SLC1A3: variants seen among roughly 807,000 people sequenced by gnomAD.
SLC1A3 encodes the protein excitatory amino acid transporter 1.
In SLC1A3, 21 loss-of-function variants were observed where a neutral mutation model predicts 48.1. The ratio of observed to expected loss-of-function variants is 0.44; its 90% CI spans 0.31 to 0.63. SLC1A3 has a LOEUF of 0.63. Ranked by LOEUF, SLC1A3 falls within the 20% of genes least tolerant of loss-of-function variation. The probability of loss-of-function intolerance (pLI) is 0.08; values close to 1 mark genes in which losing one functional copy is unlikely to be tolerated. For synonymous variants in SLC1A3, 239 were observed against 251.4 expected, an observed-to-expected ratio of 0.95 and a Z score of 0.47; for missense variants, 546 against 689.0, an observed-to-expected ratio of 0.79 and a Z score of 2.32.
chr5:36,618,543 A>C (rs1739538111), intron 2 of SLC1A3, among the ~76,000 whole-genome samples: 1 of 152,222 alleles, frequency 6.6e-6, no homozygotes, highest in African/African-American at 2.4e-5. Flanking sequence ...CTGAGCACAG[A>C]TGGGTCTCGG....
chr5:36,682,210 T>G (rs1020884243), intron 8 of SLC1A3, among the ~76,000 whole-genome samples: 14 of 152,250 alleles, frequency 9.2e-5, no homozygotes, highest in African/African-American at 3.4e-4. Context: ...AATCCACATT[T>G]ATGGCCTACA....
At position 36,629,590 on chromosome 5, in the gene SLC1A3, A is replaced by G. The variant is rs747858400; in HGVS notation, c.319+3A>G. ...TATCATCTCCAGTCTTGTCACAGGT[A>G]CCATAAGCAGTTGTTGGTTTGTTTG... On this transcript the variant is annotated splice_donor_region_variant and intron_variant, in intron 3 of 9. Transcript: ENST00000265113. The G allele has an allele frequency of 6.8e-6, 11 of 1,612,520 alleles. No homozygotes were observed. Among genetic ancestry groups the G allele is most frequent in the Non-Finnish European group, 8.5e-6 (10 of 1,178,906 alleles).
chr5:36,652,101 G>A (rs1210788163), intron 3 of SLC1A3, among the ~76,000 whole-genome samples: 2 of 152,154 alleles, frequency 1.3e-5, no homozygotes, highest in African/African-American at 4.8e-5. Flanking sequence ...AAGATTCACT[G>A]ATTCAATCCT....
intron 2 of SLC1A3, among the ~76,000 whole-genome samples, chr5:36,618,697 C>CG (rs1554039564): frequency 6.6e-6 from 1 of 152,060 alleles, no homozygotes; most frequent in African/African-American, 2.4e-5. Context: ...CTTTGCTGTG[C>CG]ACCAGCATAT....
In SLC1A3 at chr5:36,608,904, G is replaced by A. The variant is rs958178512; in HGVS notation, c.181+300G>A. On this transcript the variant is annotated intron_variant, in intron 2 of 9. Transcript: ENST00000265113. Reference sequence around the variant, plus strand: ...TAAGGAAGTGATCATTTAATCATTAGGCATGACAAAGCAAGCATGCTAGAT... The same window carrying A: ...TAAGGAAGTGATCATTTAATCATTAAGCATGACAAAGCAAGCATGCTAGAT... The A allele has an allele frequency of 1.6e-5, 17 of 1,095,868 alleles. No homozygotes were observed. The African/African-American group carries it at 2.8e-4, about 18-fold the overall frequency. The allele number at this position is 1,095,868 out of a possible 1,614,324, so 67.9% of individuals were successfully genotyped here. A position where few individuals can be genotyped will look rare whatever the true frequency, so the allele number is the denominator to read the frequency against.
At chr5:36,665,490 A>G (rs530521475) in intron 3 of SLC1A3, among the ~76,000 whole-genome samples, 11 of 152,352 alleles carry the variant, frequency 7.2e-5, no homozygotes, top group Admixed American at 5.2e-4. Context: ...CAATGTAGAT[A>G]TTGTTAGTGT....
At chr5:36,681,162 T>C (rs1742429221) in intron 8 of SLC1A3, among the ~76,000 whole-genome samples, 1 of 152,186 alleles carries the variant, frequency 6.6e-6, no homozygotes, top group Non-Finnish European at 1.5e-5. Flanking sequence ...TAAGTGACCA[T>C]TGTTCATGTT....
At chr5:36,629,362 C>T (rs999691505) in intron 2 of SLC1A3, 88 bp from the exon 3 acceptor site, 1 of 1,152,190 alleles carries the variant, frequency 8.7e-7, no homozygotes, top group Admixed American at 2.0e-5. Flanking sequence ...AACCACCAGC[C>T]AAATACTTAC....
intron 1 of SLC1A3, among the ~76,000 whole-genome samples, chr5:36,598,492 G>A (rs187772310): frequency 1.8e-3 from 271 of 152,226 alleles, no homozygotes; most frequent in African/African-American, 6.3e-3. Flanking sequence ...AGGAATTCAT[G>A]AGCCCTACCA....
At chr5:36,682,529 GGTGACAGAGTTAAAAATAACAGTAACA>G (rs1185633634) in intron 8 of SLC1A3, among the ~76,000 whole-genome samples, 4 of 151,914 alleles carry the variant, frequency 2.6e-5, no homozygotes, top group Non-Finnish European at 5.9e-5. Context: ...AAAAAAAAAA[GGTGACAGAGTTAAAAATAACAGTAACA>G]GTGACAAGCA....
intron 1 of SLC1A3, chr5:36,607,406 G>A (rs1738996489): frequency 6.6e-6 from 1 of 152,156 alleles, no homozygotes; most frequent in Non-Finnish European, 1.5e-5. Flanking sequence ...TTTCAGAACA[G>A]CTGATTTCCA....
At chr5:36,635,836 A>T (rs907937086) in intron 3 of SLC1A3, among the ~76,000 whole-genome samples, 2 of 152,118 alleles carry the variant, frequency 1.3e-5, no homozygotes, top group African/African-American at 4.8e-5. Flanking sequence ...AAACAAGGCA[A>T]TCATTATGAA....
At chr5:36,670,896 C>T in intron 3 of SLC1A3, 133 bp from the exon 4 acceptor site, 1 of 811,262 alleles carries the variant, frequency 1.2e-6, no homozygotes, top group Non-Finnish European at 2.1e-6. Flanking sequence ...GCCAGGTTCT[C>T]ACAACATGTA....
exon 1 of SLC1A3, among the ~76,000 whole-genome samples, chr5:36,596,650 C>A (rs891632963): frequency 1.3e-5 from 2 of 152,214 alleles, no homozygotes; most frequent in Non-Finnish European, 2.9e-5. Flanking sequence ...AAAGGGGAGA[C>A]TCCAGCTACC....
chr5:36,679,604 G>A (rs746554875), intron 6 of SLC1A3, 23 bp from the exon 7 acceptor site: 15 of 1,526,994 alleles, frequency 9.8e-6, no homozygotes, highest in African/African-American at 5.5e-5. Context: ...GACTCCAACC[G>A]TGCTGGTGTT....
intron 3 of SLC1A3, among the ~76,000 whole-genome samples, chr5:36,653,793 C>T (rs1337112735): frequency 1.3e-5 from 2 of 152,102 alleles, no homozygotes; most frequent in African/African-American, 4.8e-5. Flanking sequence ...TAAATGCATC[C>T]CACATGAGCT....
intron 6 of SLC1A3, among the ~76,000 whole-genome samples, chr5:36,678,574 G>T (rs189313137): frequency 6.6e-5 from 10 of 152,234 alleles, no homozygotes; most frequent in East Asian, 1.9e-4. Flanking sequence ...TGTATTTTTC[G>T]ATTTGAAACA....
At chr5:36,618,925 C>T (rs547622200) in intron 2 of SLC1A3, among the ~76,000 whole-genome samples, 1 of 152,172 alleles carries the variant, frequency 6.6e-6, no homozygotes, top group African/African-American at 2.4e-5. Flanking sequence ...CTTCACATAG[C>T]CTTTTTTGGT....
intron 2 of SLC1A3, among the ~76,000 whole-genome samples, chr5:36,621,158 G>A (rs1017928402): frequency 1.3e-5 from 2 of 152,086 alleles, no homozygotes; most frequent in East Asian, 1.9e-4. Flanking sequence ...CACCCACCTC[G>A]GCCTCCCAAA....
Sources: gnomAD v4.1 joint callset for allele counts (sites outside exome capture counted in the v4.1 genomes callset) on GRCh38, gnomAD v4.1.1 for gene constraint, MANE v1.5 for transcripts, NCBI Gene and HGNC (gene_info 2026-07-23, HGNC 2026-07-21) for gene names.